Variants in PHAX observed in about 807,000 individuals in gnomAD.
The protein encoded by PHAX is phosphorylated adaptor for RNA export, also known as phosphorylated adapter RNA export protein.
Under a neutral mutation model 41.6 loss-of-function variants are expected in PHAX, and 31 were observed. The observed-to-expected ratio is 0.75, with a 90% CI of 0.56 to 1.01. The LOEUF (loss-of-function observed/expected upper bound fraction) is 1.01, where lower values mean the gene tolerates loss of function less well. Ranked by LOEUF, PHAX falls within the 50% of genes least tolerant of loss-of-function variation. The pLI, the probability that PHAX is intolerant of heterozygous loss-of-function variation, is 0.00. For synonymous variants in PHAX, 175 were observed against 164.9 expected (o/e 1.06, Z -0.47); for missense variants, 453 against 472.9 (o/e 0.96, Z 0.39).
At chr5:126,615,074 A>G (rs539077381) in intron 3 of PHAX, among the ~76,000 whole-genome samples, 90 of 151,734 alleles carry the variant, frequency 5.9e-4, no homozygotes, top group African/African-American at 2.1e-3. Context: ...TTTTACACAA[A>G]TGGTCATATA....
chr5:126,621,761 C>A, intron 4 of PHAX, among the ~76,000 whole-genome samples: 1 of 151,354 alleles, frequency 6.6e-6, no homozygotes, highest in African/African-American at 2.4e-5. Flanking sequence ...TCAGCTAAAA[C>A]ACTAGAGTTA....
At chr5:126,608,822 G>A (rs1005920265) in intron 3 of PHAX, among the ~76,000 whole-genome samples, 22 of 151,608 alleles carry the variant, frequency 1.5e-4, no homozygotes, top group African/African-American at 5.3e-4. Context: ...TGTAATCGCA[G>A]CTACTCAGGA....
At chr5:126,613,629 A>G (rs1405147402) in intron 3 of PHAX, among the ~76,000 whole-genome samples, 2 of 152,142 alleles carry the variant, frequency 1.3e-5, no homozygotes, top group Non-Finnish European at 2.9e-5. Flanking sequence ...GCAGTGAGGC[A>G]TGATCACACC....
At chr5:126,612,414 C>G (rs1244593944) in intron 3 of PHAX, among the ~76,000 whole-genome samples, 1 of 151,988 alleles carries the variant, frequency 6.6e-6, no homozygotes, top group Non-Finnish European at 1.5e-5. Context: ...AAATGCATTT[C>G]CTAGGCCGGG....
At chr5:126,614,568 A>G (rs1275949371) in intron 3 of PHAX, among the ~76,000 whole-genome samples, 1 of 152,154 alleles carries the variant, frequency 6.6e-6, no homozygotes, top group African/African-American at 2.4e-5. Context: ...GCAAGATGAA[A>G]CAGTTTTGGA....
chr5:126,606,675 A>G (rs1378738643), intron 2 of PHAX, among the ~76,000 whole-genome samples: 1 of 151,960 alleles, frequency 6.6e-6, no homozygotes, highest in Non-Finnish European at 1.5e-5. Flanking sequence ...TGTTTTAGAC[A>G]GAGTCTCACT....
chr5:126,604,750 T>A (rs1751963502), intron 2 of PHAX, among the ~76,000 whole-genome samples: 2 of 151,612 alleles, frequency 1.3e-5, no homozygotes, highest in Admixed American at 6.6e-5. Flanking sequence ...AAAAAAAAAA[T>A]TATGGCCAGA....
At chr5:126,607,351 C>A (rs1405757226) in intron 2 of PHAX, among the ~76,000 whole-genome samples, 1 of 150,994 alleles carries the variant, frequency 6.6e-6, no homozygotes, top group Non-Finnish European at 1.5e-5. Context: ...TGCACTGCCT[C>A]CTGTTGAGAA....
chr5:126,608,299 C>CT, intron 2 of PHAX, 65 bp from the exon 3 acceptor site: 1 of 1,530,580 alleles, frequency 6.5e-7, no homozygotes, highest in Non-Finnish European at 8.8e-7. Flanking sequence ...TAGCTGGTGA[C>CT]TAAGGTAGAT....
intron 3 of PHAX, among the ~76,000 whole-genome samples, chr5:126,614,283 G>C (rs1259264392): frequency 6.6e-6 from 1 of 151,662 alleles, no homozygotes; most frequent in African/African-American, 2.4e-5. Context: ...ATTTTTATTA[G>C]AAACAGGGTT....
chr5:126,603,374 A>C (rs1285363194), intron 1 of PHAX, among the ~76,000 whole-genome samples, 196 bp from the exon 2 acceptor site: 1 of 152,248 alleles, frequency 6.6e-6, no homozygotes, highest in Non-Finnish European at 1.5e-5. Flanking sequence ...TTAGTTGTAA[A>C]GATAAGAATT....
Position 126,624,972 on chromosome 5 carries a change from TTTAAA to T in PHAX, c.*129_*133del. ...TGGAGGAAAGACAATTGTTTTCTTG[TTTAAA>T]ATATGTGTGGAAAGGAATGCAATTG... is the stretch of plus-strand genomic sequence containing the variant. On this transcript the variant is annotated 3_prime_UTR_variant, in exon 5 of 5. Coordinates refer to ENST00000297540, the MANE Select transcript of PHAX (RefSeq NM_032177.4). 3 of 827,500 alleles carry T rather than the reference TTTAAA, an allele frequency of 3.6e-6. No individual in the cohort carries two copies. The highest frequency in any genetic ancestry group is 5.6e-6 in the Non-Finnish European group (3 of 538,500). The allele number at this position is 827,500 out of a possible 1,614,324, so 51.3% of individuals were successfully genotyped here.
chr5:126,603,930 A>G lies in PHAX; in HGVS notation c.457A>G (p.Asn153Asp). Residue 153 changes from asparagine to aspartate, a missense_variant, in exon 2 of 5, where the codon AAT becomes GAT. Coordinates refer to ENST00000297540, the MANE Select transcript of PHAX (RefSeq NM_032177.4). ...CAGAAGCAGACAATCCGAGACCTACAATTATTTGCTTGCCAAGAAACTTAG... is the reference window on the plus strand; with the variant it reads ...CAGAAGCAGACAATCCGAGACCTACGATTATTTGCTTGCCAAGAAACTTAG... ...IDRSRQSETY[N>D]YLLAKKLRKE... The G allele has an allele frequency of 6.2e-7, 1 of 1,614,140 alleles. No individual in the cohort carries two copies. The highest frequency in any genetic ancestry group is 8.5e-7 in the Non-Finnish European group (1 of 1,180,030).
rs1138219 is a variant in PHAX, at chr5:126,625,454, A to G, written c.*610A>G. 6.6e-6 allele frequency: 1 copy of G among 152,150 alleles called. No homozygotes were observed. The highest frequency in any genetic ancestry group is 2.4e-5 in the African/African-American group (1 of 41,434). The allele number at this position is 152,150 out of a possible 1,614,324, so 9.4% of individuals were successfully genotyped here. ...TCTACTAAAAATACAAAAACTAGCC[A>G]GGTGTGGTTCTCCATGCCTATAATC... is the stretch of plus-strand genomic sequence containing the variant. On this transcript the variant is annotated 3_prime_UTR_variant, in exon 5 of 5. Transcript: ENST00000297540.
intron 4 of PHAX, among the ~76,000 whole-genome samples, chr5:126,621,223 C>G (rs1752266603): frequency 6.6e-6 from 1 of 151,754 alleles, no homozygotes; most frequent in Non-Finnish European, 1.5e-5. Context: ...AGGTCTCCTG[C>G]TATCACTCAG....
In PHAX at chr5:126,603,702, A is replaced by G; in HGVS notation, c.229A>G (p.Ser77Gly). ...AAGTTTTTCTGATTCAGATGATGAT[A>G]GCTGTCTTTGGAAACGCAAACGACA... ...EESFSDSDDD[S>G]CLWKRKRQKC... The change falls in exon 2 of 5, where the codon AGC (serine) becomes GGC (glycine). Residue 77 changes from serine (S) to glycine (G), a missense_variant. Physicochemically the swap from Ser to Gly is moderately conservative, Grantham distance 56. Transcript: ENST00000297540. 1 of 1,614,224 alleles carries G rather than the reference A, an allele frequency of 6.2e-7. No homozygotes were observed. Among genetic ancestry groups the G allele is most frequent in the Non-Finnish European group, 8.5e-7 (1 of 1,180,042 alleles).
intron 4 of PHAX, among the ~76,000 whole-genome samples, chr5:126,622,281 G>A (rs914358923): frequency 6.6e-6 from 1 of 151,760 alleles, no homozygotes; most frequent in African/African-American, 2.4e-5. Context: ...TTATAGGCTC[G>A]CACCACCATG....
chr5:126,618,087 G>A (rs1752216439), intron 4 of PHAX, among the ~76,000 whole-genome samples: 1 of 151,988 alleles, frequency 6.6e-6, no homozygotes, highest in Admixed American at 6.6e-5. Flanking sequence ...CAGAGTAACT[G>A]GGAGTACAGG....
At chr5:126,606,904 CCT>C (rs1751998842) in intron 2 of PHAX, among the ~76,000 whole-genome samples, 1 of 152,042 alleles carries the variant, frequency 6.6e-6, no homozygotes, top group African/African-American at 2.4e-5. Flanking sequence ...TGATCCACCC[CCT>C]TCGACCTCCC....
Sources: allele counts gnomAD v4.1 joint callset (sites outside exome capture counted in the v4.1 genomes callset), GRCh38; gene constraint gnomAD v4.1.1; transcripts MANE v1.5; gene names NCBI Gene and HGNC (gene_info 2026-07-23, HGNC 2026-07-21).